The following MBTPS1 variants were observed in gnomAD, a reference collection of about 807,000 sequenced individuals.
MBTPS1 encodes the protein membrane-bound transcription factor site-1 protease.
A neutral mutation model predicts 127.8 loss-of-function variants in MBTPS1; 94 were observed. The ratio of observed to expected loss-of-function variants is 0.74; its 90% CI spans 0.62 to 0.87. The LOEUF (loss-of-function observed/expected upper bound fraction) is 0.87, where lower values mean the gene tolerates loss of function less well. Among genes scored for constraint, MBTPS1 ranks in the 40% least tolerant of loss-of-function variants. The probability of loss-of-function intolerance (pLI) is 0.00; values close to 1 mark genes in which losing one functional copy is unlikely to be tolerated. For synonymous variants in MBTPS1, 632 were observed against 509.4 expected (o/e 1.24, Z -3.24); for missense variants, 1,636 against 1,353.2 (o/e 1.21, Z -3.28).
intron 21 of MBTPS1, among the ~76,000 whole-genome samples, chr16:84,058,540 A>G (rs112734487): frequency 6.6e-6 from 1 of 152,172 alleles, no homozygotes; most frequent in Non-Finnish European, 1.5e-5. Context: ...CCCTGGCTTC[A>G]TCCCCTTTCT....
chr16:84,104,813 T>A (rs1281196900), intron 1 of MBTPS1, among the ~76,000 whole-genome samples: 1 of 152,020 alleles, frequency 6.6e-6, no homozygotes, highest in Non-Finnish European at 1.5e-5. Flanking sequence ...ACACCTGTAA[T>A]CCTGGGTGTG....
intron 1 of MBTPS1, among the ~76,000 whole-genome samples, chr16:84,103,429 T>C (rs1187946226): frequency 5.3e-5 from 8 of 152,104 alleles, no homozygotes; most frequent in Non-Finnish European, 7.4e-5. Context: ...CAGCTAATTT[T>C]TGGATTTTAA....
At chr16:84,085,216 C>T in intron 9 of MBTPS1, 82 bp from the exon 10 acceptor site, 3 of 1,359,852 alleles carry the variant, frequency 2.2e-6, no homozygotes, top group Non-Finnish European at 3.1e-6. Context: ...CAAATCAGAA[C>T]AGAGATATGG....
chr16:84,082,621 T>G (rs2085958188), intron 10 of MBTPS1, among the ~76,000 whole-genome samples: 1 of 152,176 alleles, frequency 6.6e-6, no homozygotes, highest in Admixed American at 6.5e-5. Context: ...ATTCCTAAAA[T>G]TGAGGTGGGA....
intron 11 of MBTPS1, among the ~76,000 whole-genome samples, chr16:84,077,856 A>G (rs1052676195): frequency 6.6e-6 from 1 of 152,118 alleles, no homozygotes; most frequent in African/African-American, 2.4e-5. Context: ...GGTTACTAAC[A>G]CTCATATATC....
At chr16:84,071,057 A>C (rs1458254113) in intron 12 of MBTPS1, among the ~76,000 whole-genome samples, 1 of 152,206 alleles carries the variant, frequency 6.6e-6, no homozygotes, top group African/African-American at 2.4e-5. Flanking sequence ...CTTTTGTCAA[A>C]AGTTCTTTGA....
At chr16:84,086,173 T>C (rs1320256356) in intron 9 of MBTPS1, 1 of 152,100 alleles carries the variant, frequency 6.6e-6, no homozygotes, top group African/African-American at 2.4e-5. Context: ...ACTGCAGCTG[T>C]GATGATGGAA....
rs369610782 is a variant in MBTPS1 at position 84,071,698 on chromosome 16, T to A, written c.1594-922A>T. The A allele has an allele frequency of 8.8e-4, 134 of 151,620 alleles. 1 individual carries two copies. Among genetic ancestry groups the A allele is most frequent in the African/African-American group, 3.2e-3 (132 of 41,332 alleles). 9.4% of individuals were successfully genotyped at this position (151,620 alleles called of 1,614,324 possible). A position where few individuals can be genotyped will look rare whatever the true frequency, so the allele number is the denominator to read the frequency against. On this transcript the variant is annotated intron_variant, in intron 12 of 22. Transcript: ENST00000343411. ...AATGATGTTTCCATCTGCAAAACAA[T>A]AAAAGTCACAAAACATAAAAATTCA...
At position 84,065,767 on chromosome 16, in the gene MBTPS1, A is replaced by T; in HGVS notation, c.2354T>A (p.Met785Lys). 6.3e-7 allele frequency: 1 copy of T among 1,586,628 alleles called. No individual in the cohort carries two copies. Among genetic ancestry groups the T allele is most frequent in the Non-Finnish European group, 8.6e-7 (1 of 1,168,856 alleles). ...GATGCTGCACCCTGACGCATAATAC[A>T]CTAGGAAAGAGTGTTCAAAGTCAAG... The part of the protein sequence containing the change: ...EGEFTLANHD[M>K]YYASGCSIAK... The change falls in exon 18 of 23, where the codon ATG (methionine) becomes AAG (lysine). Residue 785 changes from methionine to lysine, a missense_variant and splice_region_variant. Physicochemically the swap from Met to Lys is moderately conservative, Grantham distance 95. Coordinates refer to ENST00000343411, the MANE Select transcript of MBTPS1 (RefSeq NM_003791.4).
chr16:84,073,424 G>A (rs1406548500), intron 12 of MBTPS1, among the ~76,000 whole-genome samples: 62 of 151,994 alleles, frequency 4.1e-4, no homozygotes, highest in Admixed American at 3.9e-3. Flanking sequence ...GAGCCAACAC[G>A]CCTGGCAGCT....
intron 1 of MBTPS1, among the ~76,000 whole-genome samples, chr16:84,111,775 G>A (rs76356409): frequency 0.021 from 3,177 of 152,136 alleles, 107 homozygotes; most frequent in African/African-American, 0.072. Context: ...GTTGTTCTAG[G>A]CCACTGTTTG....
At position 84,065,651 on chromosome 16, in the gene MBTPS1, G is replaced by C. The variant is rs370865551; in HGVS notation, c.2431+39C>G. ...AGAAGCGGGGGAAAAGGGAGCGAGAGAAAGAAGAAGCAAAAGGCCCATGAA... is the reference window on the plus strand; with the variant it reads ...AGAAGCGGGGGAAAAGGGAGCGAGACAAAGAAGAAGCAAAAGGCCCATGAA... On this transcript the variant is annotated intron_variant, in intron 18 of 22. Coordinates refer to ENST00000343411, the MANE Select transcript of MBTPS1 (RefSeq NM_003791.4). The C allele has an allele frequency of 1.5e-5, 20 of 1,351,456 alleles. No homozygotes were observed. In the African/African-American group the frequency reaches 2.9e-4, roughly 19 times the overall value. 83.7% of individuals were successfully genotyped at this position (1,351,456 alleles called of 1,614,324 possible).
chr16:84,087,211 C>A, intron 9 of MBTPS1, 147 bp downstream of exon 9: 1 of 635,788 alleles, frequency 1.6e-6, no homozygotes, highest in Admixed American at 2.6e-5. Context: ...CACGGCTGGG[C>A]AGGCACTCAC....
intron 13 of MBTPS1, 114 bp downstream of exon 13, chr16:84,070,468 GAGGATA>G: frequency 1.0e-6 from 1 of 999,994 alleles, no homozygotes; most frequent in Non-Finnish European, 1.5e-6. Context: ...TGTGGCCATC[GAGGATA>G]AGCCTATCTG....
rs5818481 is a variant in MBTPS1, at chr16:84,087,473, CAAAAAAA to C, written c.1032-20_1032-14del. 1.4e-5 allele frequency: 15 copies of C among 1,036,898 alleles called. No homozygotes were observed. Among genetic ancestry groups the C allele is most frequent in the Middle Eastern group, 2.2e-4 (1 of 4,542 alleles). The allele number at this position is 1,036,898 out of a possible 1,614,324, so 64.2% of individuals were successfully genotyped here. A position where few individuals can be genotyped will look rare whatever the true frequency, so the allele number is the denominator to read the frequency against. ...GTTATTCAGAGTGCTATATTGAGAC[CAAAAAAA>C]AAAAAAAAGAAAAGAAAAAGAAAAA... On this transcript the variant is annotated splice_polypyrimidine_tract_variant and intron_variant, in intron 8 of 22. Transcript: ENST00000343411.
Position 84,066,591 on chromosome 16 carries a change from C to T in MBTPS1, c.2251G>A (p.Gly751Arg), listed in dbSNP as rs748969675. 19 of 1,613,962 alleles carry T rather than the reference C, an allele frequency of 1.2e-5. No homozygotes were observed. Among genetic ancestry groups the T allele is most frequent in the Admixed American group, 6.7e-5 (4 of 60,012 alleles). Residue 751 changes from glycine (G) to arginine (R), a missense_variant, in exon 17 of 23, where the codon GGA becomes AGA. Gly to Arg is a moderately radical substitution (Grantham distance 125, BLOSUM62 -2). Coordinates refer to ENST00000343411, the MANE Select transcript of MBTPS1 (RefSeq NM_003791.4). ...NTRQWWMPDT[G>R]GANIPALNEL... ...TTCAGAGCTGGGATGTTAGCTCCTC[C>T]GGTATCCGGCATCCACCACTGCCTG...
At chr16:84,062,560 A>G (rs1197534862) in intron 19 of MBTPS1, among the ~76,000 whole-genome samples, 1 of 151,944 alleles carries the variant, frequency 6.6e-6, no homozygotes, top group Non-Finnish European at 1.5e-5. Flanking sequence ...GTCACTCACC[A>G]CCCGCCCTGT....
intron 1 of MBTPS1, among the ~76,000 whole-genome samples, chr16:84,113,385 T>G (rs991629699): frequency 6.6e-6 from 1 of 152,214 alleles, no homozygotes; most frequent in African/African-American, 2.4e-5. Context: ...ATGAGAATGA[T>G]TACACCTCTA....
At chr16:84,116,525 T>C (rs1460815499) in intron 1 of MBTPS1, among the ~76,000 whole-genome samples, 8 of 152,174 alleles carry the variant, frequency 5.3e-5, no homozygotes, top group Non-Finnish European at 8.8e-5. Flanking sequence ...CGGAACAAGC[T>C]GCCGGAGCGC....
Sources: gnomAD v4.1 joint callset for allele counts (sites outside exome capture counted in the v4.1 genomes callset) on GRCh38, gnomAD v4.1.1 for gene constraint, MANE v1.5 for transcripts, NCBI Gene and HGNC (gene_info 2026-07-23, HGNC 2026-07-21) for gene names.